The following NKAIN3 variants were observed in gnomAD, a reference collection of about 807,000 sequenced individuals.
NKAIN3 encodes sodium/potassium-transporting ATPase subunit beta-1-interacting protein 3.
NKAIN3 carries 25 observed loss-of-function variants against 30.2 expected under a neutral mutation model. That is an observed-to-expected ratio of 0.83 (90% CI 0.60 to 1.16). The LOEUF (loss-of-function observed/expected upper bound fraction) is 1.16. NKAIN3 is among the 50% of genes most tolerant of loss of function. NKAIN3 has a pLI of 0.00. For synonymous variants in NKAIN3, 91 were observed against 89.6 expected, an observed-to-expected ratio of 1.02 and a Z score of -0.09; for missense variants, 225 against 254.1, an observed-to-expected ratio of 0.89 and a Z score of 0.78.
intron 4 of NKAIN3, among the ~76,000 whole-genome samples, chr8:62,798,723 A>C (rs1281955634): frequency 6.6e-6 from 1 of 152,202 alleles, no homozygotes; most frequent in African/African-American, 2.4e-5. Flanking sequence ...TGAGATAATA[A>C]ATTGTTGTTG....
At chr8:62,924,015 G>A (rs180756753) in intron 5 of NKAIN3, among the ~76,000 whole-genome samples, 3 of 152,346 alleles carry the variant, frequency 2.0e-5, no homozygotes, top group Admixed American at 2.0e-4. Flanking sequence ...TAAACTCACA[G>A]TGAAGTAGAG....
At chr8:62,926,964 T>C (rs1822468867) in intron 5 of NKAIN3, among the ~76,000 whole-genome samples, 1 of 152,166 alleles carries the variant, frequency 6.6e-6, no homozygotes, top group African/African-American at 2.4e-5. Flanking sequence ...TCTGCCCAGC[T>C]TCTTCCTCCA....
intron 4 of NKAIN3, among the ~76,000 whole-genome samples, chr8:62,917,070 G>A (rs1822129005): frequency 6.6e-6 from 1 of 151,920 alleles, no homozygotes; most frequent in South Asian, 2.1e-4. Context: ...TGCCCTACCA[G>A]GAAGTCCTCT....
At chr8:62,500,684 G>A (rs1200213727) in intron 1 of NKAIN3, among the ~76,000 whole-genome samples, 1 of 152,140 alleles carries the variant, frequency 6.6e-6, no homozygotes, top group East Asian at 1.9e-4. Context: ...ACACCTTTGT[G>A]GAGGGCAATG....
chr8:62,289,918 T>G (rs1228236500), intron 1 of NKAIN3, among the ~76,000 whole-genome samples: 4 of 152,200 alleles, frequency 2.6e-5, no homozygotes, highest in Non-Finnish European at 5.9e-5. Flanking sequence ...TTTATTTCGT[T>G]GAGCAGTGGT....
In NKAIN3 at chr8:62,970,551, A is replaced by G. The variant is rs1297515881; in HGVS notation, c.*5144A>G. Among the ~76,000 whole-genome samples, 1 of 152,192 alleles carries G rather than the reference A, an allele frequency of 6.6e-6. No homozygotes were observed. Among genetic ancestry groups the G allele is most frequent in the East Asian group, 1.9e-4 (1 of 5,190 alleles). On this transcript the variant is annotated 3_prime_UTR_variant, in exon 7 of 7. Coordinates refer to ENST00000623646, the MANE Select transcript of NKAIN3 (RefSeq NM_001304533.3). ...AAAAACTGAAATATTTAAAGAATCC[A>G]AAATATGCTTTAGCTTAAACTTGAG... is the stretch of plus-strand genomic sequence containing the variant.
intron 1 of NKAIN3, among the ~76,000 whole-genome samples, chr8:62,496,106 A>G (rs1246834740): frequency 1.3e-5 from 2 of 151,918 alleles, no homozygotes; most frequent in Non-Finnish European, 2.9e-5. Flanking sequence ...TTAATTTAAC[A>G]TCTTTTAATG....
chr8:62,727,891 A>T (rs1196121145), intron 3 of NKAIN3, among the ~76,000 whole-genome samples: 1 of 152,210 alleles, frequency 6.6e-6, no homozygotes, highest in Admixed American at 6.5e-5. Flanking sequence ...TGTAATTTAT[A>T]TACTATAAAA....
chr8:62,614,313 A>C (rs1393591694), intron 3 of NKAIN3, among the ~76,000 whole-genome samples: 2 of 152,182 alleles, frequency 1.3e-5, no homozygotes, highest in Non-Finnish European at 2.9e-5. Flanking sequence ...CAGGATTTTC[A>C]GATACTCTTG....
chr8:62,998,345 G>A (rs184318651), intron 5 of NKAIN3, among the ~76,000 whole-genome samples: 77 of 151,808 alleles, frequency 5.1e-4, no homozygotes, highest in African/African-American at 1.7e-3. Flanking sequence ...GCCCAATCTC[G>A]GCTTACTGAA....
At chr8:62,371,724 TAATA>T (rs1219982035) in intron 1 of NKAIN3, among the ~76,000 whole-genome samples, 2 of 152,032 alleles carry the variant, frequency 1.3e-5, no homozygotes, top group Non-Finnish European at 2.9e-5. Context: ...TTTAATACAC[TAATA>T]AATAATTTGT....
intron 4 of NKAIN3, among the ~76,000 whole-genome samples, chr8:62,894,404 T>C (rs1821374940): frequency 6.6e-6 from 1 of 152,200 alleles, no homozygotes; most frequent in Admixed American, 6.6e-5. Context: ...ACTCAAGATT[T>C]TCACATTACT....
chr8:62,406,754 G>A lies in NKAIN3; in HGVS notation c.54+157627G>A, dbSNP rs1350002476. On this transcript the variant is annotated intron_variant, in intron 1 of 6. Transcript: ENST00000623646. ...AATACTTAAGAATATTCCTCTATTA[G>A]GTGTTCCTGTCTCTAACTCTGCATC... Among the ~76,000 whole-genome samples the A allele has an allele frequency of 2.0e-5, 3 of 152,022 alleles. No homozygotes were observed. In the East Asian group the frequency reaches 5.8e-4, roughly 29 times the overall value.
chr8:62,468,055 G>C (rs868778395), intron 1 of NKAIN3, among the ~76,000 whole-genome samples: 2 of 152,042 alleles, frequency 1.3e-5, no homozygotes, highest in South Asian at 4.1e-4. Context: ...AGTTTAACCA[G>C]CACATTTTTC....
chr8:62,669,726 T>C (rs1813241333), intron 3 of NKAIN3, among the ~76,000 whole-genome samples: 1 of 152,108 alleles, frequency 6.6e-6, no homozygotes, highest in African/African-American at 2.4e-5. Flanking sequence ...TCTGGGGCAG[T>C]GGCATGGTGA....
At chr8:62,469,826 T>C (rs1325899746) in intron 1 of NKAIN3, among the ~76,000 whole-genome samples, 1 of 152,166 alleles carries the variant, frequency 6.6e-6, no homozygotes, top group Non-Finnish European at 1.5e-5. Flanking sequence ...TGACCTAACC[T>C]ATTCTGGCAG....
intron 1 of NKAIN3, among the ~76,000 whole-genome samples, chr8:62,270,551 A>G (rs1171007083): frequency 6.6e-6 from 1 of 152,154 alleles, no homozygotes; most frequent in Admixed American, 6.5e-5. Context: ...CACCTCAAAT[A>G]TTTATTTTTT....
chr8:62,864,226 TA>T, intron 4 of NKAIN3: 1 of 740,130 alleles, frequency 1.4e-6, no homozygotes, highest in Non-Finnish European at 2.3e-6. Flanking sequence ...GAAGTGAAAC[TA>T]AAAACAGCAG....
chr8:62,286,091 CT>C (rs1367647447), intron 1 of NKAIN3, among the ~76,000 whole-genome samples: 1 of 152,054 alleles, frequency 6.6e-6, no homozygotes, highest in Non-Finnish European at 1.5e-5. Flanking sequence ...ATCAAAATGA[CT>C]TTAAAATAGA....
Sources: allele counts gnomAD v4.1 joint callset (sites outside exome capture counted in the v4.1 genomes callset), GRCh38; gene constraint gnomAD v4.1.1; transcripts MANE v1.5; gene names NCBI Gene and HGNC (gene_info 2026-07-23, HGNC 2026-07-21).